The following FBRSL1 variants were observed in gnomAD, a reference collection of about 807,000 sequenced individuals.
The protein encoded by FBRSL1 is fibrosin-1-like protein.
In FBRSL1, 51 loss-of-function variants were observed where a neutral mutation model predicts 89.6. The ratio of observed to expected loss-of-function variants is 0.57; its 90% CI spans 0.45 to 0.72. The LOEUF is 0.72. FBRSL1 is among the 30% of genes least tolerant of loss of function. The probability of loss-of-function intolerance (pLI) is 0.00; values close to 1 mark genes in which losing one functional copy is unlikely to be tolerated. For missense variants in FBRSL1, 1,618 were observed against 1,451.8 expected (o/e 1.11, Z -1.86); for synonymous variants, 779 against 681.1 (o/e 1.14, Z -2.24).
At chr12:132,558,947 C>T (rs369159728) in intron 5 of FBRSL1, among the ~76,000 whole-genome samples, 19 of 152,366 alleles carry the variant, frequency 1.2e-4, no homozygotes, top group African/African-American at 4.1e-4. Context: ...TCCCGACTGC[C>T]GGGTCCAGAG....
At chr12:132,506,605 C>T (rs989383350) in intron 1 of FBRSL1, among the ~76,000 whole-genome samples, 6 of 152,266 alleles carry the variant, frequency 3.9e-5, no homozygotes, top group South Asian at 2.1e-4. Flanking sequence ...TGCAAACAGC[C>T]GTTCTCTGGG....
intron 5 of FBRSL1, among the ~76,000 whole-genome samples, chr12:132,567,163 C>T (rs1593533169): frequency 6.6e-6 from 1 of 152,124 alleles, no homozygotes; most frequent in Admixed American, 6.5e-5. Flanking sequence ...TGCCAAATGC[C>T]GGCGCTCCCC....
At position 132,584,833 on chromosome 12, in the gene FBRSL1, C is replaced by CACAG; in HGVS notation, c.*1058_*1059insGACA. The CACAG allele has an allele frequency of 6.6e-6, 1 of 151,834 alleles. No homozygotes were observed. The highest frequency in any genetic ancestry group is 2.1e-4 in the South Asian group (1 of 4,828). The allele number at this position is 151,834 out of a possible 1,614,324, so 9.4% of individuals were successfully genotyped here. On this transcript the variant is annotated 3_prime_UTR_variant, in exon 19 of 19. Transcript: ENST00000680143. ...AAGGCTGATTTTACACACACACACA[C>CACAG]ACACACACACACACACACAAAATCA... is the stretch of plus-strand genomic sequence containing the variant.
intron 11 of FBRSL1, among the ~76,000 whole-genome samples, chr12:132,572,901 A>C (rs902958081): frequency 2.2e-4 from 34 of 152,298 alleles, no homozygotes; most frequent in African/African-American, 7.9e-4. Flanking sequence ...TCGAAGGAGA[A>C]CATTCCAGTC....
chr12:132,493,274 C>G (rs190152560), intron 1 of FBRSL1, among the ~76,000 whole-genome samples: 1 of 152,256 alleles, frequency 6.6e-6, no homozygotes, highest in Admixed American at 6.5e-5. Flanking sequence ...TCCCTCTGCC[C>G]CCACCCGCGT....
intron 18 of FBRSL1, 136 bp from the exon 19 acceptor site, chr12:132,582,835 C>A (rs924751687): frequency 1.7e-5 from 11 of 631,862 alleles, no homozygotes; most frequent in Non-Finnish European, 2.4e-5. Context: ...TGTGGGGGTG[C>A]GGGAGCTGTG....
At chr12:132,512,406 A>G (rs1173788190) in intron 2 of FBRSL1, among the ~76,000 whole-genome samples, 1 of 152,222 alleles carries the variant, frequency 6.6e-6, no homozygotes, top group Non-Finnish European at 1.5e-5. Context: ...CGGGGCATGG[A>G]GGGGCCGAGT....
chr12:132,521,364 C>A (rs565962492), intron 2 of FBRSL1, among the ~76,000 whole-genome samples: 6 of 152,224 alleles, frequency 3.9e-5, no homozygotes, highest in Non-Finnish European at 4.4e-5. Flanking sequence ...GTCGCGTTCC[C>A]GTCTCCTGCT....
chr12:132,556,516 G>C (rs1285388806), intron 5 of FBRSL1, among the ~76,000 whole-genome samples: 8 of 124,568 alleles, frequency 6.4e-5, no homozygotes, highest in Admixed American at 6.1e-4. Flanking sequence ...CTGTCCTGTG[G>C]GACGCTCCTC....
chr12:132,576,779 C>T lies in FBRSL1; in HGVS notation c.1702-20C>T. On this transcript the variant is annotated intron_variant, in intron 14 of 18. Transcript: ENST00000680143. Reference sequence around the variant, plus strand: ...GGCCAGTCCCCGGGCAGGCGGCCCTCACCCGTTCTATCCTCCCAGGAGATG... The same window carrying T: ...GGCCAGTCCCCGGGCAGGCGGCCCTTACCCGTTCTATCCTCCCAGGAGATG... 1 of 1,548,094 alleles carries T rather than the reference C, an allele frequency of 6.5e-7. No individual in the cohort carries two copies.
rs748705106 is a variant in FBRSL1, at chr12:132,581,771, G to C, written c.1943G>C (p.Gly648Ala). The C allele has an allele frequency of 5.8e-6, 9 of 1,549,434 alleles. No individual in the cohort carries two copies. The African/African-American group carries it at 1.2e-4, about 21-fold the overall frequency. The stretch of plus-strand genomic sequence containing the variant: ...TTCAGCAGACCGAGCACCTTTGGGG[G>C]CCTGGGCAGCCTGAGCAGCCACGCC... The part of the protein sequence containing the change: ...DPFSRPSTFG[G>A]LGSLSSHAFG... The change falls in exon 17 of 19, where the codon GGC (glycine) becomes GCC (alanine). Residue 648 changes from glycine to alanine, a missense_variant. Gly to Ala is a moderately conservative substitution (Grantham distance 60). Coordinates refer to ENST00000680143, the MANE Select transcript of FBRSL1 (RefSeq NM_001367871.1).
intron 2 of FBRSL1, among the ~76,000 whole-genome samples, chr12:132,508,886 T>C (rs930327282): frequency 3.3e-5 from 5 of 152,080 alleles, no homozygotes; most frequent in African/African-American, 1.2e-4. Context: ...CCCAGGGGCC[T>C]CCTGCCCAGG....
At chr12:132,582,544 G>A (rs2040847760) in intron 18 of FBRSL1, among the ~76,000 whole-genome samples, 1 of 151,904 alleles carries the variant, frequency 6.6e-6, no homozygotes, top group African/African-American at 2.4e-5. Flanking sequence ...CCTGCGGTGG[G>A]GAGTGAAGCC....
Position 132,582,991 on chromosome 12 carries a change from G to A in FBRSL1, c.2222G>A (p.Arg741His), listed in dbSNP as rs1302614025. 1 of 1,446,946 alleles carries A rather than the reference G, an allele frequency of 6.9e-7. No homozygotes were observed. Among genetic ancestry groups the A allele is most frequent in the Non-Finnish European group, 9.0e-7 (1 of 1,107,804 alleles). 89.6% of individuals were successfully genotyped at this position (1,446,946 alleles called of 1,614,324 possible). ...CCCAGGGACCTCCTGGAGAAGACGC[G>A]CCTGCTGAGCCGGGCCTCGCCCGCC... ...EQERDLLEKT[R>H]LLSRASPATP... Residue 741 changes from arginine to histidine, a missense_variant, in exon 19 of 19, where the codon CGC becomes CAC. Transcript: ENST00000680143.
At position 132,545,108 on chromosome 12, in the gene FBRSL1, G is replaced by A. The variant is rs373208488; in HGVS notation, c.616-2895G>A. 5.3e-5 allele frequency among the ~76,000 whole-genome samples: 8 copies of A among 152,260 alleles called. 1 individual carries two copies. Among genetic ancestry groups the A allele is most frequent in the South Asian group, 4.1e-4 (2 of 4,832 alleles). On this transcript the variant is annotated intron_variant, in intron 4 of 18. Transcript: ENST00000680143. ...CGGAGCTCAGGGCCTCGCCCAGTGT[G>A]GGGCAGTGCGGCACAGAGCGGGCGT...
At chr12:132,509,834 C>A in intron 2 of FBRSL1, 1 of 1,231,988 alleles carries the variant, frequency 8.1e-7, no homozygotes, top group Non-Finnish European at 1.0e-6. Context: ...GGTACCAGCC[C>A]CCGCGGCCAC....
At position 132,582,271 on chromosome 12, in the gene FBRSL1, G is replaced by A. The variant is rs770005438; in HGVS notation, c.2201+5G>A. The A allele has an allele frequency of 6.5e-7, 1 of 1,549,554 alleles. No homozygotes were observed. The highest frequency in any genetic ancestry group is 1.2e-5 in the South Asian group (1 of 84,002). On this transcript the variant is annotated splice_donor_5th_base_variant and intron_variant, in intron 18 of 18. Coordinates refer to ENST00000680143, the MANE Select transcript of FBRSL1 (RefSeq NM_001367871.1). ...TGGCAAGGAGGAGCAGGAACGGTGAGTGGCCCTCTTGTTCCGTATCCCCAC... is the reference window on the plus strand; with the variant it reads ...TGGCAAGGAGGAGCAGGAACGGTGAATGGCCCTCTTGTTCCGTATCCCCAC...
At chr12:132,495,269 G>A (rs1017437406) in intron 1 of FBRSL1, among the ~76,000 whole-genome samples, 4 of 152,238 alleles carry the variant, frequency 2.6e-5, no homozygotes, top group Admixed American at 2.0e-4. Context: ...CCAGGCATAG[G>A]ATCTGGGCTG....
rs755081033 is a variant in FBRSL1, at chr12:132,572,508, C to T, written c.1435-19C>T. On this transcript the variant is annotated intron_variant, in intron 10 of 18. Coordinates refer to ENST00000680143, the MANE Select transcript of FBRSL1 (RefSeq NM_001367871.1). The stretch of plus-strand genomic sequence containing the variant: ...TGAGGACTTGGGCCCCCCCTCCATC[C>T]GCTCTCCTTCTCTTACAGTTCTTCC... 3.6e-5 allele frequency: 55 copies of T among 1,541,386 alleles called. No individual in the cohort carries two copies. Among genetic ancestry groups the T allele is most frequent in the South Asian group, 1.7e-4 (14 of 83,882 alleles).
Sources: gnomAD v4.1 joint callset for allele counts (sites outside exome capture counted in the v4.1 genomes callset) on GRCh38, gnomAD v4.1.1 for gene constraint, MANE v1.5 for transcripts, NCBI Gene and HGNC (gene_info 2026-07-23, HGNC 2026-07-21) for gene names.